RALGAPA2: variants seen among roughly 807,000 people sequenced by gnomAD.
RALGAPA2 encodes the protein ral GTPase-activating protein subunit alpha-2.
RALGAPA2 carries 139 observed loss-of-function variants against 230.4 expected under a neutral mutation model. That is an observed-to-expected ratio of 0.60 (90% CI 0.53 to 0.69). RALGAPA2 has a LOEUF of 0.69. Ranked by LOEUF, RALGAPA2 falls within the 30% of genes least tolerant of loss-of-function variation. The pLI is 0.00. For synonymous variants in RALGAPA2, 847 were observed against 837.8 expected, an observed-to-expected ratio of 1.01 and a Z score of -0.19; for missense variants, 2,163 against 2,276.0, an observed-to-expected ratio of 0.95 and a Z score of 1.01.
chr20:20,690,616 T>C (rs770685480), intron 1 of RALGAPA2, among the ~76,000 whole-genome samples: 1 of 150,336 alleles, frequency 6.7e-6, no homozygotes, highest in African/African-American at 2.4e-5. Context: ...CCGTCTTCTA[T>C]GCCACCTGTA....
intron 39 of RALGAPA2, among the ~76,000 whole-genome samples, chr20:20,396,261 C>T (rs1231840390): frequency 6.6e-6 from 1 of 152,390 alleles, no homozygotes; most frequent in Non-Finnish European, 1.5e-5. Flanking sequence ...GCCCTCCCCG[C>T]ATGGAGGTCT....
chr20:20,675,285 C>G (rs771882436), intron 3 of RALGAPA2, among the ~76,000 whole-genome samples: 4 of 152,138 alleles, frequency 2.6e-5, no homozygotes, highest in Non-Finnish European at 5.9e-5. Context: ...CTATTGAGCA[C>G]TAGCCATGAA....
intron 22 of RALGAPA2, 55 bp downstream of exon 22, chr20:20,571,793 A>C (rs2064646758): frequency 6.6e-7 from 1 of 1,519,922 alleles, no homozygotes; most frequent in Admixed American, 1.9e-5. Flanking sequence ...TTTCAAACTC[A>C]ATTTCAGAAA....
chr20:20,640,592 C>T, intron 6 of RALGAPA2, 109 bp downstream of exon 6: 1 of 1,085,794 alleles, frequency 9.2e-7, no homozygotes, highest in East Asian at 2.5e-5. Context: ...GGGAATAATT[C>T]CTCTTCAGAC....
At position 20,536,726 on chromosome 20, in the gene RALGAPA2, T is replaced by G; in HGVS notation, c.3344A>C (p.Tyr1115Ser). ...LGSLVCFPNT[Y>S]QEIPLLQSVP... Reference sequence around the variant, plus strand: ...TGACTGCAGTAAAGGAATCTCCTGGTAGGTATTTGGAAAGCAGACCAGAGA... The same window carrying G: ...TGACTGCAGTAAAGGAATCTCCTGGGAGGTATTTGGAAAGCAGACCAGAGA... The change falls in exon 25 of 40, where the codon TAC becomes TCC. Residue 1115 changes from tyrosine (Y) to serine (S), a missense_variant. Physicochemically the swap from Tyr to Ser is moderately radical, Grantham distance 144. Coordinates refer to ENST00000202677, the MANE Select transcript of RALGAPA2 (RefSeq NM_020343.4). The G allele has an allele frequency of 6.2e-7, 1 of 1,613,122 alleles. No homozygotes were observed. The highest frequency in any genetic ancestry group is 8.5e-7 in the Non-Finnish European group (1 of 1,179,318).
chr20:20,543,874 T>G (rs1337650472), intron 24 of RALGAPA2, among the ~76,000 whole-genome samples: 1 of 151,190 alleles, frequency 6.6e-6, no homozygotes, highest in African/African-American at 2.4e-5. Flanking sequence ...GAACTTAAAG[T>G]ATAATAATAA....
intron 25 of RALGAPA2, 26 bp downstream of exon 25, chr20:20,536,630 G>A: frequency 6.2e-7 from 1 of 1,606,168 alleles, no homozygotes. Context: ...TACTAAACTT[G>A]AGATACAGTC....
At chr20:20,462,041 C>T (rs1236116270) in intron 37 of RALGAPA2, among the ~76,000 whole-genome samples, 3 of 152,138 alleles carry the variant, frequency 2.0e-5, no homozygotes, top group Non-Finnish European at 4.4e-5. Context: ...ATATTCTGTG[C>T]TCTTTTATAT....
intron 4 of RALGAPA2, among the ~76,000 whole-genome samples, chr20:20,647,801 GATT>G (rs1160459313): frequency 6.6e-6 from 1 of 151,972 alleles, no homozygotes; most frequent in Non-Finnish European, 1.5e-5. Context: ...AGATGCTTAA[GATT>G]ATTATTATTA....
chr20:20,483,056 T>A (rs1438541014), intron 36 of RALGAPA2, among the ~76,000 whole-genome samples: 1 of 152,212 alleles, frequency 6.6e-6, no homozygotes, highest in African/African-American at 2.4e-5. Context: ...GAAGGTACAT[T>A]CACTGTGTGT....
intron 36 of RALGAPA2, among the ~76,000 whole-genome samples, chr20:20,478,108 A>C (rs2061691726): frequency 6.6e-6 from 1 of 152,254 alleles, no homozygotes; most frequent in Non-Finnish European, 1.5e-5. Flanking sequence ...CAACAACAAA[A>C]GGATAATTGG....
intron 9 of RALGAPA2, among the ~76,000 whole-genome samples, chr20:20,633,009 T>C (rs565026320): frequency 2.0e-5 from 3 of 151,050 alleles, no homozygotes; most frequent in Non-Finnish European, 4.4e-5. Context: ...TACTGGGTCT[T>C]TCTCTCTCTC....
At chr20:20,589,519 G>A (rs1450928684) in intron 17 of RALGAPA2, among the ~76,000 whole-genome samples, 154 bp from the exon 18 acceptor site, 1 of 152,138 alleles carries the variant, frequency 6.6e-6, no homozygotes, top group African/African-American at 2.4e-5. Flanking sequence ...AGCAGCCTAT[G>A]GGTCAAGTCC....
intron 5 of RALGAPA2, 73 bp from the exon 6 acceptor site, chr20:20,640,951 C>T: frequency 7.6e-7 from 1 of 1,324,234 alleles, no homozygotes; most frequent in Non-Finnish European, 1.0e-6. Flanking sequence ...TAGCATCGGT[C>T]TTGAGAAAGA....
intron 26 of RALGAPA2, 119 bp from the exon 27 acceptor site, chr20:20,531,914 T>C (rs1248539427): frequency 1.2e-6 from 1 of 834,956 alleles, no homozygotes; most frequent in African/African-American, 1.7e-5. Context: ...ATTATAGATC[T>C]ATTAGCAGAA....
At chr20:20,707,291 G>A (rs148078195) in intron 1 of RALGAPA2, among the ~76,000 whole-genome samples, 11 of 152,244 alleles carry the variant, frequency 7.2e-5, no homozygotes, top group East Asian at 1.9e-4. Context: ...ACAAGTCATC[G>A]AATGTTCAAA....
At chr20:20,508,639 G>A (rs533842055) in intron 33 of RALGAPA2, among the ~76,000 whole-genome samples, 2 of 152,164 alleles carry the variant, frequency 1.3e-5, no homozygotes, top group Non-Finnish European at 2.9e-5. Flanking sequence ...CAAGAGCAGT[G>A]AGATACATTG....
At chr20:20,536,542 A>G (rs2063502229) in intron 25 of RALGAPA2, 114 bp downstream of exon 25, 1 of 1,206,776 alleles carries the variant, frequency 8.3e-7, no homozygotes, top group Non-Finnish European at 1.1e-6. Context: ...CATTTAAAAG[A>G]TACAGCAAAA....
chr20:20,528,130 G>A (rs2063269131), intron 27 of RALGAPA2, among the ~76,000 whole-genome samples: 1 of 152,166 alleles, frequency 6.6e-6, no homozygotes. Flanking sequence ...CACCAAGGTA[G>A]GAAAGGTCGG....
Sources: allele counts gnomAD v4.1 joint callset (sites outside exome capture counted in the v4.1 genomes callset), GRCh38; gene constraint gnomAD v4.1.1; transcripts MANE v1.5; gene names NCBI Gene and HGNC (gene_info 2026-07-23, HGNC 2026-07-21).